CNTNAP4: variants seen among roughly 807,000 people sequenced by gnomAD.
The protein encoded by CNTNAP4 is contactin associated protein family member 4.
A neutral mutation model predicts 148.4 loss-of-function variants in CNTNAP4; 98 were observed. The observed-to-expected ratio is 0.66, with a 90% CI of 0.56 to 0.78. CNTNAP4 has a LOEUF of 0.78. Ranked by LOEUF, CNTNAP4 falls within the 30% of genes least tolerant of loss-of-function variation. The pLI is 0.00. For missense variants in CNTNAP4, 1,935 were observed against 1,565.6 expected (o/e 1.24, Z -3.98); for synonymous variants, 730 against 565.1 (o/e 1.29, Z -4.14).
intron 3 of CNTNAP4, among the ~76,000 whole-genome samples, chr16:76,376,389 A>G (rs904319223): frequency 2.0e-5 from 3 of 152,190 alleles, no homozygotes; most frequent in Non-Finnish European, 4.4e-5. Context: ...TCGAGAGCGT[A>G]TGTGATGGAG....
rs6145898 is a variant in CNTNAP4 at position 76,307,503 on chromosome 16, CATATAT to C, written c.86-8878_86-8873del. Among the ~76,000 whole-genome samples the C allele has an allele frequency of 3.2e-3, 293 of 91,722 alleles. 4 individuals are homozygous for C. The East Asian group carries it at 0.061, about 19-fold the overall frequency. The allele number at this position is 91,722 out of a possible 152,430, so 60.2% of individuals were successfully genotyped here. On this transcript the variant is annotated intron_variant, in intron 1 of 23. Transcript: ENST00000611870. ...TTCTCCTAGATATCTATTTTAAATG[CATATAT>C]ATATATATATATATATATATATATA...
intron 17 of CNTNAP4, among the ~76,000 whole-genome samples, chr16:76,529,414 G>C (rs575747441): frequency 6.6e-6 from 1 of 152,296 alleles, no homozygotes; most frequent in South Asian, 2.1e-4. Flanking sequence ...TGTTATCGTA[G>C]ACTCACAAAC....
rs1359348194 is a variant in CNTNAP4 at position 76,508,711 on chromosome 16, A to G, written c.2365+10017A>G. Among the ~76,000 whole-genome samples, 10 of 92,114 alleles carry G rather than the reference A, an allele frequency of 1.1e-4. 2 individuals are homozygous for G. The Admixed American group carries it at 1.1e-3, about 10-fold the overall frequency. The allele number at this position is 92,114 out of a possible 152,430, so 60.4% of individuals were successfully genotyped here. ...TTATACATATGCATACCTTTAGTTA[A>G]TTGTCTTAAATATTAATGACTGACT... is the stretch of plus-strand genomic sequence containing the variant. On this transcript the variant is annotated intron_variant, in intron 15 of 23. Coordinates refer to ENST00000611870, the MANE Select transcript of CNTNAP4 (RefSeq NM_033401.5).
chr16:76,538,775 TG>T (rs1007179685), intron 19 of CNTNAP4, among the ~76,000 whole-genome samples: 1 of 152,016 alleles, frequency 6.6e-6, no homozygotes, highest in African/African-American at 2.4e-5. Flanking sequence ...GTCCACAAGA[TG>T]ACCTTTTAGT....
At chr16:76,337,050 C>G (rs556269693) in intron 2 of CNTNAP4, among the ~76,000 whole-genome samples, 1 of 152,184 alleles carries the variant, frequency 6.6e-6, no homozygotes, top group Admixed American at 6.6e-5. Flanking sequence ...ACTAAACTAT[C>G]TTCTCATAAA....
intron 3 of CNTNAP4, among the ~76,000 whole-genome samples, chr16:76,366,957 G>C (rs2014213828): frequency 6.6e-6 from 1 of 151,958 alleles, no homozygotes; most frequent in African/African-American, 2.4e-5. Context: ...AGATCATTCT[G>C]AATGTCATAT....
intron 11 of CNTNAP4, among the ~76,000 whole-genome samples, chr16:76,479,040 T>A (rs2081703085): frequency 6.6e-6 from 1 of 152,128 alleles, no homozygotes; most frequent in South Asian, 2.1e-4. Flanking sequence ...TACAAGGTGC[T>A]ACTAGGATTT....
chr16:76,536,321 G>A (rs566948374), intron 18 of CNTNAP4, among the ~76,000 whole-genome samples: 12 of 151,906 alleles, frequency 7.9e-5, no homozygotes, highest in East Asian at 1.9e-4. Flanking sequence ...TCCGCCTCCC[G>A]AGTAGCTGGG....
chr16:76,347,366 A>T (rs72628204), intron 2 of CNTNAP4, among the ~76,000 whole-genome samples: 1 of 152,068 alleles, frequency 6.6e-6, no homozygotes, highest in African/African-American at 2.4e-5. Context: ...AGCACCTACT[A>T]TGTGTCCAGC....
chr16:76,449,602 G>T (rs905712007), intron 6 of CNTNAP4, 113 bp from the exon 7 acceptor site: 4 of 850,150 alleles, frequency 4.7e-6, no homozygotes, highest in Non-Finnish European at 5.2e-6. Flanking sequence ...TGTGTGTAGG[G>T]TTATGAAAAA....
chr16:76,551,187 G>T (rs971027831), intron 21 of CNTNAP4, among the ~76,000 whole-genome samples: 3 of 152,054 alleles, frequency 2.0e-5, no homozygotes, highest in Non-Finnish European at 4.4e-5. Context: ...AAAGTGGGTG[G>T]ATCACTTGAG....
chr16:76,487,497 G>A (rs931337248), intron 12 of CNTNAP4, among the ~76,000 whole-genome samples: 2 of 152,084 alleles, frequency 1.3e-5, no homozygotes, highest in African/African-American at 4.8e-5. Flanking sequence ...TAGAAACTTC[G>A]GATCACTCAA....
chr16:76,309,787 C>A, intron 1 of CNTNAP4: 1 of 696,610 alleles, frequency 1.4e-6, no homozygotes, highest in South Asian at 1.5e-5. Context: ...GTGCTATTCT[C>A]GTGATAGTGA....
chr16:76,317,867 C>G (rs1017485911), intron 2 of CNTNAP4, among the ~76,000 whole-genome samples: 5 of 152,152 alleles, frequency 3.3e-5, no homozygotes, highest in African/African-American at 1.2e-4. Context: ...GAGATACCTA[C>G]TTTTGTGTGC....
intron 13 of CNTNAP4, among the ~76,000 whole-genome samples, chr16:76,492,063 A>C (rs1410223268): frequency 6.6e-6 from 1 of 152,238 alleles, no homozygotes; most frequent in Non-Finnish European, 1.5e-5. Context: ...AATCTAAAAA[A>C]GTTTAACTCA....
chr16:76,490,794 G>A (rs756852632), intron 13 of CNTNAP4, among the ~76,000 whole-genome samples: 22 of 151,856 alleles, frequency 1.4e-4, no homozygotes, highest in African/African-American at 2.9e-4. Context: ...TACAACCCTC[G>A]TGCCACCCTC....
chr16:76,443,781 A>G (rs368544937), intron 4 of CNTNAP4, among the ~76,000 whole-genome samples: 22 of 152,306 alleles, frequency 1.4e-4, no homozygotes, highest in African/African-American at 2.9e-4. Flanking sequence ...ACATATTGCT[A>G]TGAATCACCC....
chr16:76,536,708 G>T (rs1436172894), intron 18 of CNTNAP4, among the ~76,000 whole-genome samples: 1 of 152,068 alleles, frequency 6.6e-6, no homozygotes, highest in South Asian at 2.1e-4. Context: ...TAAAATAGTA[G>T]AATACTTTTC....
In CNTNAP4 at chr16:76,462,056, T is replaced by G; in HGVS notation, c.1434T>G (p.Pro478=). Residue 478 remains proline, a synonymous_variant, in exon 9 of 24, where the codon CCT becomes CCG. Coordinates refer to ENST00000611870, the MANE Select transcript of CNTNAP4 (RefSeq NM_033401.5). ...ACGGCCAGATGGCTTCTGCTGCTCC[T>G]CTGCTGGGGCCTGAGCAGATTTATT... ...AVDGQMASAA[P]LLGPEQIYSG... is the part of the protein sequence containing the mutation. 6.2e-7 allele frequency: 1 copy of G among 1,613,906 alleles called. No homozygotes were observed. Among genetic ancestry groups the G allele is most frequent in the Non-Finnish European group, 8.5e-7 (1 of 1,179,834 alleles).
Sources: gnomAD v4.1 joint callset for allele counts (sites outside exome capture counted in the v4.1 genomes callset) on GRCh38, gnomAD v4.1.1 for gene constraint, MANE v1.5 for transcripts, NCBI Gene and HGNC (gene_info 2026-07-23, HGNC 2026-07-21) for gene names.